GCA: variants seen among roughly 807,000 people sequenced by gnomAD.
The protein encoded by GCA is grancalcin, also known as grancalcin, EF-hand calcium-binding protein.
In GCA, 30 loss-of-function variants were observed where a neutral mutation model predicts 32.6. The ratio of observed to expected loss-of-function variants is 0.92; its 90% CI spans 0.69 to 1.25. The LOEUF is 1.25. Ranked by LOEUF, GCA falls within the 50% of genes most tolerant of loss-of-function variation. The pLI is 0.00. For missense variants in GCA, 291 were observed against 266.8 expected, an observed-to-expected ratio of 1.09 and a Z score of -0.63; for synonymous variants, 102 against 84.6, an observed-to-expected ratio of 1.21 and a Z score of -1.13.
At chr2:162,337,410 C>G (rs920900521) in intron 1 of GCA, among the ~76,000 whole-genome samples, 26 of 152,166 alleles carry the variant, frequency 1.7e-4, no homozygotes, top group Admixed American at 9.8e-4. Context: ...TGCACTGGGA[C>G]GCTGTATCAG....
At chr2:162,348,309 C>T (rs559822900) in intron 2 of GCA, among the ~76,000 whole-genome samples, 1 of 152,084 alleles carries the variant, frequency 6.6e-6, no homozygotes, top group South Asian at 2.1e-4. Context: ...CTAACTTGGG[C>T]CTCACTCCCA....
intron 1 of GCA, among the ~76,000 whole-genome samples, chr2:162,345,127 TGG>T (rs1558893112): frequency 9.4e-5 from 14 of 149,014 alleles, no homozygotes; most frequent in African/African-American, 3.4e-4. Flanking sequence ...GTGGTGGTGG[TGG>T]TGGTGGTTGT....
At chr2:162,358,979 G>A in intron 5 of GCA, 65 bp from the exon 6 acceptor site, 2 of 718,818 alleles carry the variant, frequency 2.8e-6, no homozygotes, top group Non-Finnish European at 4.7e-6. Flanking sequence ...GACTTAATGA[G>A]AAAGCAATCT....
intron 1 of GCA, among the ~76,000 whole-genome samples, chr2:162,344,928 G>C (rs951944438): frequency 1.2e-4 from 19 of 152,300 alleles, no homozygotes; most frequent in South Asian, 8.3e-4. Context: ...TGTGTTAACA[G>C]AGTTAACAGT....
Position 162,361,823 on chromosome 2 carries a change from C to G in GCA, c.*1580C>G, listed in dbSNP as rs1685583408. 1.0e-6 allele frequency: 1 copy of G among 983,896 alleles called. No individual in the cohort carries two copies. Among genetic ancestry groups the G allele is most frequent in the Admixed American group, 6.2e-5 (1 of 16,144 alleles). 60.9% of individuals were successfully genotyped at this position (983,896 alleles called of 1,614,324 possible). Reference sequence around the variant, plus strand: ...TAATTAGAAGTGTTGTAGGAAAAAGCAAATGTGAAAACACTAAGTGTCGTT... The same window carrying G: ...TAATTAGAAGTGTTGTAGGAAAAAGGAAATGTGAAAACACTAAGTGTCGTT... On this transcript the variant is annotated 3_prime_UTR_variant, in exon 8 of 8. Transcript: ENST00000437150.
chr2:162,344,029 C>A, upstream of GCA: 1 of 599,104 alleles, frequency 1.7e-6, no homozygotes, highest in Non-Finnish European at 3.0e-6. Context: ...GGGCGGACTG[C>A]AGCTGAGTTG....
chr2:162,374,297 A>G (rs143611756), downstream of GCA, among the ~76,000 whole-genome samples: 150 of 152,330 alleles, frequency 9.8e-4, 1 homozygote, highest in Middle Eastern at 0.014. Context: ...CTAATGACCC[A>G]TCTGGCCTGC....
At chr2:162,347,489 A>G (rs1684767063) in intron 1 of GCA, 89 bp from the exon 2 acceptor site, 8 of 779,728 alleles carry the variant, frequency 1.0e-5, no homozygotes, top group South Asian at 6.2e-5. Context: ...TTACTTTTTG[A>G]CGGACTTCTA....
downstream of GCA, chr2:162,373,680 G>A: frequency 7.0e-7 from 1 of 1,434,118 alleles, no homozygotes; most frequent in Non-Finnish European, 9.2e-7. Flanking sequence ...ACAGACAGAA[G>A]TAGGAAAAGA....
At chr2:162,372,391 G>A (rs1025353531), downstream of GCA, among the ~76,000 whole-genome samples, 7 of 151,946 alleles carry the variant, frequency 4.6e-5, no homozygotes, top group South Asian at 4.2e-4. Context: ...AATTAAATTC[G>A]AAATTTAAGA....
At position 162,324,430 on chromosome 2, in the gene GCA, C is replaced by T. The variant is rs79261185; in HGVS notation, c.-31+5205C>T. On this transcript the variant is annotated intron_variant, in intron 1 of 4. Coordinates refer to the GCA transcript ENST00000429691. ...CCTCAACTGCCCCAGCCAAACTCTGCGACGTTCTACTTCTGCCAGATGGTG... is the reference window on the plus strand; with the variant it reads ...CCTCAACTGCCCCAGCCAAACTCTGTGACGTTCTACTTCTGCCAGATGGTG... Among the ~76,000 whole-genome samples, 657 of 152,268 alleles carry T rather than the reference C, an allele frequency of 4.3e-3. 25 individuals carry two copies. In the East Asian group the frequency reaches 0.1, roughly 24 times the overall value.
intron 1 of GCA, among the ~76,000 whole-genome samples, chr2:162,332,264 G>A (rs539953253): frequency 1.8e-4 from 25 of 141,690 alleles, no homozygotes; most frequent in Non-Finnish European, 2.0e-4. Context: ...AGCCAAGATC[G>A]CATCACTGCA....
rs1685044710 is a variant in GCA at position 162,352,355 on chromosome 2, T to A, written c.210T>A (p.Ala70=). 1 of 1,585,076 alleles carries A rather than the reference T, an allele frequency of 6.3e-7. No homozygotes were observed. The highest frequency in any genetic ancestry group is 8.7e-7 in the Non-Finnish European group (1 of 1,153,800). ...AVAGQDGEVD[A]EELQRCLTQS... ...TTAAACAGGATGGTGAAGTGGATGC[T>A]GAAGAACTTCAGAGATGTTTGACAC... is the stretch of plus-strand genomic sequence containing the variant. Residue 70 remains alanine (A), a synonymous_variant, in exon 3 of 8, where the codon GCT becomes GCA. Transcript: ENST00000437150.
chr2:162,361,298 A>G lies in GCA; in HGVS notation c.*1055A>G. ...AAAACTGCCGAAAATGCGACGTAGA[A>G]TCACCAGATCTTTAGTGTTTAATAT... On this transcript the variant is annotated 3_prime_UTR_variant, in exon 8 of 8. Coordinates refer to ENST00000437150, the MANE Select transcript of GCA (RefSeq NM_012198.5). 2.0e-6 allele frequency: 2 copies of G among 984,762 alleles called. No individual in the cohort carries two copies. The highest frequency in any genetic ancestry group is 9.4e-5 in the South Asian group (2 of 21,278). 61.0% of individuals were successfully genotyped at this position (984,762 alleles called of 1,614,324 possible).
Position 162,360,345 on chromosome 2 carries a change from T to C in GCA, c.*102T>C. 1 of 1,496,448 alleles carries C rather than the reference T, an allele frequency of 6.7e-7. No homozygotes were observed. The highest frequency in any genetic ancestry group is 2.4e-5 in the Admixed American group (1 of 41,536). 92.7% of individuals were successfully genotyped at this position (1,496,448 alleles called of 1,614,324 possible). A position where few individuals can be genotyped will look rare whatever the true frequency, so the allele number is the denominator to read the frequency against. On this transcript the variant is annotated 3_prime_UTR_variant, in exon 8 of 8. Transcript: ENST00000437150. ...TTTTAAGGGTTTTCTATGTTCTTCCTACCTGTTAAACCTCTTCCCTTTCTG... is the reference window on the plus strand; with the variant it reads ...TTTTAAGGGTTTTCTATGTTCTTCCCACCTGTTAAACCTCTTCCCTTTCTG...
chr2:162,375,212 G>T (rs538613802), downstream of GCA, among the ~76,000 whole-genome samples: 3 of 152,260 alleles, frequency 2.0e-5, 1 homozygote, highest in South Asian at 2.1e-4. Flanking sequence ...GTTGTGAGTG[G>T]CTTACAACAA....
intron 2 of GCA, among the ~76,000 whole-genome samples, chr2:162,351,856 G>C (rs1019032309): frequency 6.6e-6 from 1 of 152,208 alleles, no homozygotes; most frequent in Admixed American, 6.5e-5. Context: ...GCAGTAATCA[G>C]AAGAATAGCA....
Position 162,323,668 on chromosome 2 carries a change from A to C in GCA, c.-31+4443A>C, listed in dbSNP as rs549495771. ...CAGCACCATTTATTAAATAGGGAATACTTTCCCCATTGCTTGTTTTTCTCA... is the reference window on the plus strand; with the variant it reads ...CAGCACCATTTATTAAATAGGGAATCCTTTCCCCATTGCTTGTTTTTCTCA... On this transcript the variant is annotated intron_variant, in intron 1 of 4. Transcript: ENST00000429691. 2.4e-3 allele frequency among the ~76,000 whole-genome samples: 368 copies of C among 151,900 alleles called. 4 individuals are homozygous for C. The highest frequency in any genetic ancestry group is 7.9e-3 in the African/African-American group (326 of 41,240).
intron 1 of GCA, among the ~76,000 whole-genome samples, chr2:162,327,646 T>A (rs1247194114): frequency 6.6e-6 from 1 of 152,110 alleles, no homozygotes; most frequent in Non-Finnish European, 1.5e-5. Flanking sequence ...CAGGCACGCC[T>A]AGGCAGCTGA....
Sources: gnomAD v4.1 joint callset for allele counts (sites outside exome capture counted in the v4.1 genomes callset) on GRCh38, gnomAD v4.1.1 for gene constraint, MANE v1.5 for transcripts, NCBI Gene and HGNC (gene_info 2026-07-23, HGNC 2026-07-21) for gene names.